Variants in VWCE observed in about 807,000 individuals in gnomAD.
The protein encoded by VWCE is von Willebrand factor C and EGF domain-containing protein.
In VWCE, 68 loss-of-function variants were observed where a neutral mutation model predicts 102.9. The observed-to-expected ratio is 0.66, with a 90% CI of 0.54 to 0.81. The LOEUF (loss-of-function observed/expected upper bound fraction) is 0.81, where lower values mean the gene tolerates loss of function less well. Among genes scored for constraint, VWCE ranks in the 30% least tolerant of loss-of-function variants. The probability of loss-of-function intolerance (pLI) is 0.00; values close to 1 mark genes in which losing one functional copy is unlikely to be tolerated. For missense variants in VWCE, 1,137 were observed against 1,263.6 expected (o/e 0.90, Z 1.52); for synonymous variants, 497 against 515.4 (o/e 0.96, Z 0.48).
chr11:61,262,100 T>C (rs1237865179), intron 19 of VWCE, among the ~76,000 whole-genome samples: 2 of 152,106 alleles, frequency 1.3e-5, no homozygotes, highest in Admixed American at 1.3e-4. Context: ...ATTACAGGTG[T>C]GCACCAACAT....
rs1415004872 is a variant in VWCE at position 61,281,843 on chromosome 11, A to G, written c.730T>C (p.Phe244Leu). ...HHSCHNTVGS[F>L]LCTCRPGFRL... The stretch of plus-strand genomic sequence containing the variant: ...AAGCCAGGTCGGCATGTGCATAGGA[A>G]GCTGCCCACGGTGTTGTGGCAGGAA... Residue 244 changes from phenylalanine (F) to leucine (L), a missense_variant, in exon 7 of 20, where the codon TTC becomes CTC. Around this residue, in one of 5 missense-constraint regions of VWCE, gnomAD observed 575 missense variants for 625.9 expected, o/e 0.92. Coordinates refer to ENST00000335613, the MANE Select transcript of VWCE (RefSeq NM_152718.2). 6.2e-7 allele frequency: 1 copy of G among 1,613,838 alleles called. No individual in the cohort carries two copies. Among genetic ancestry groups the G allele is most frequent in the Non-Finnish European group, 8.5e-7 (1 of 1,179,906 alleles).
At chr11:61,287,199 A>C (rs941347099) in intron 4 of VWCE, among the ~76,000 whole-genome samples, 6 of 152,314 alleles carry the variant, frequency 3.9e-5, no homozygotes, top group African/African-American at 1.4e-4. Context: ...CCCTGAGCCC[A>C]CACCAAGCCT....
chr11:61,272,718 A>G (rs2512815), intron 13 of VWCE, among the ~76,000 whole-genome samples: 152,080 of 152,092 alleles, frequency 1, 76,034 homozygotes, highest in Middle Eastern at 1. Context: ...ATGCTCACAC[A>G]GACGCACACT....
At position 61,271,732 on chromosome 11, in the gene VWCE, C is replaced by T. The variant is rs1408435319; in HGVS notation, c.1728G>A (p.Glu576=). The change falls in exon 14 of 20, where the codon GAG becomes GAA. Residue 576 remains glutamate (E), a synonymous_variant. Coordinates refer to ENST00000335613, the MANE Select transcript of VWCE (RefSeq NM_152718.2). The stretch of plus-strand genomic sequence containing the variant: ...GCGACCAGATCTGTCCAATCGGAAA[C>T]TCAACCCCGTTGTCGTCAAGAGAGC... ...TGCSLDDNGV[E]FPIGQIWSPG... 2 of 1,613,658 alleles carry T rather than the reference C, an allele frequency of 1.2e-6. No homozygotes were observed. The highest frequency in any genetic ancestry group is 2.2e-5 in the South Asian group (2 of 90,956).
rs751555303 is a variant in VWCE, at chr11:61,259,198, G to C, written c.2345C>G (p.Ser782Cys). The C allele has an allele frequency of 6.2e-7, 1 of 1,614,076 alleles. No homozygotes were observed. The highest frequency in any genetic ancestry group is 1.7e-5 in the Admixed American group (1 of 60,010). Residue 782 changes from serine to cysteine, a missense_variant, in exon 20 of 20, where the codon TCC becomes TGC. Physicochemically the swap from Ser to Cys is moderately radical, Grantham distance 112. Around this residue, in one of 5 missense-constraint regions of VWCE, gnomAD observed 316 missense variants for 319.3 expected, o/e 0.99. Transcript: ENST00000335613. ...TGATGCTGTCGGGGGCCCAGGACAG[G>C]AGCTACAGTTGACAGGGGCCTCAGT... The part of the protein sequence containing the change: ...GDTEAPVNCS[S>C]CPGPPTASPS...
chr11:61,274,554 G>T lies in VWCE; in HGVS notation c.1526C>A (p.Ala509Glu), dbSNP rs368282929. 2 of 1,613,926 alleles carry T rather than the reference G, an allele frequency of 1.2e-6. No homozygotes were observed. The highest frequency in any genetic ancestry group is 8.5e-7 in the Non-Finnish European group (1 of 1,179,972). Reference sequence around the variant, plus strand: ...ACCCCCACTGAACACAGCCCCGTCTGCGTACCACCGGCCGTGGAAATAGCA... The same window carrying T: ...ACCCCCACTGAACACAGCCCCGTCTTCGTACCACCGGCCGTGGAAATAGCA... ...VRCYFHGRWY[A>E]DGAVFSGGGD... The change falls in exon 12 of 20, where the codon GCA becomes GAA. Residue 509 changes from alanine (A) to glutamate (E), a missense_variant. Transcript: ENST00000335613.
intron 7 of VWCE, 47 bp from the exon 8 acceptor site, chr11:61,281,282 G>T (rs763888834): frequency 1.2e-6 from 2 of 1,607,842 alleles, no homozygotes; most frequent in African/African-American, 2.7e-5. Flanking sequence ...GCAGAGACAG[G>T]AGGCAGGGTT....
rs994254631 is a variant in VWCE at position 61,271,299 on chromosome 11, C to T, written c.1785+376G>A. On this transcript the variant is annotated intron_variant, in intron 14 of 19. Coordinates refer to ENST00000335613, the MANE Select transcript of VWCE (RefSeq NM_152718.2). ...TAGCTGGGACCACAGGCACCTACCACCACGCTCGGCTAATATTTTGTATTT... is the reference window on the plus strand; with the variant it reads ...TAGCTGGGACCACAGGCACCTACCATCACGCTCGGCTAATATTTTGTATTT... 5 of 210,612 alleles carry T rather than the reference C, an allele frequency of 2.4e-5. No individual in the cohort carries two copies. The East Asian group carries it at 4.4e-4, about 19-fold the overall frequency. The allele number at this position is 210,612 out of a possible 1,614,324, so 13.0% of individuals were successfully genotyped here.
rs1218592488 is a variant in VWCE, at chr11:61,294,777, C to A, written c.110+151G>T. 6.5e-6 allele frequency: 3 copies of A among 462,560 alleles called. No individual in the cohort carries two copies. Among genetic ancestry groups the A allele is most frequent in the Non-Finnish European group, 1.1e-5 (3 of 274,166 alleles). The allele number at this position is 462,560 out of a possible 1,614,324, so 28.7% of individuals were successfully genotyped here. ...GGCACAAGTTGCTGACTCTTTGTGC[C>A]GTCCCCGAGCTGTGCCCGCGCTGAT... On this transcript the variant is annotated intron_variant, in intron 1 of 19. Coordinates refer to ENST00000335613, the MANE Select transcript of VWCE (RefSeq NM_152718.2). This position sits in a 1 kb window ranked among gnomAD's most constrained non-coding sequence, Gnocchi z 6.3.
chr11:61,280,909 TG>T lies in VWCE; in HGVS notation c.1113del (p.Arg372GlyfsTer43). 1 of 1,528,630 alleles carries T rather than the reference TG, an allele frequency of 6.5e-7. No individual in the cohort carries two copies. The highest frequency in any genetic ancestry group is 1.3e-5 in the South Asian group (1 of 76,492). The allele number at this position is 1,528,630 out of a possible 1,614,324, so 94.7% of individuals were successfully genotyped here. ...GCCAGTCGGGGGGACTCAGGGCCCCTGGGTGAGGAAGGGGTCCCCATCACCT... is the reference window on the plus strand; with the variant it reads ...GCCAGTCGGGGGGACTCAGGGCCCCTGGTGAGGAAGGGGTCCCCATCACCT... ...QGEVMGTPSS[P>X]RGPESPRLAA... On this transcript the variant is annotated frameshift_variant, in exon 8 of 20. Coordinates refer to ENST00000335613, the MANE Select transcript of VWCE (RefSeq NM_152718.2). LOFTEE classifies it high-confidence loss of function.
chr11:61,283,533 T>A (rs1004997214), intron 5 of VWCE, among the ~76,000 whole-genome samples: 2 of 152,204 alleles, frequency 1.3e-5, no homozygotes, highest in Non-Finnish European at 2.9e-5. Flanking sequence ...TGCCTCAGCC[T>A]CCCAAGTAGT....
intron 12 of VWCE, among the ~76,000 whole-genome samples, 175 bp downstream of exon 12, chr11:61,274,324 G>A (rs1034984415): frequency 6.6e-6 from 1 of 152,170 alleles, no homozygotes; most frequent in African/African-American, 2.4e-5. Flanking sequence ...GAAAGATGAA[G>A]TTCAAAGAGA....
chr11:61,292,654 C>A (rs1049727114), intron 1 of VWCE, among the ~76,000 whole-genome samples: 2 of 152,140 alleles, frequency 1.3e-5, no homozygotes, highest in Admixed American at 1.3e-4. Flanking sequence ...CCAGATGCAT[C>A]CAACTGGTGC....
At chr11:61,269,438 T>G in intron 14 of VWCE, 1 of 161,082 alleles carries the variant, frequency 6.2e-6, no homozygotes. Flanking sequence ...CCATACAAGG[T>G]TTCTTTCTTT....
chr11:61,281,706 C>A, intron 7 of VWCE, 80 bp downstream of exon 7: 1 of 1,482,014 alleles, frequency 6.7e-7, no homozygotes. Context: ...CGGGGAGGGG[C>A]CAGGCTATGG....
chr11:61,281,189 C>T lies in VWCE; in HGVS notation c.834G>A (p.Arg278=), dbSNP rs1388376220. The T allele has an allele frequency of 6.2e-7, 1 of 1,613,206 alleles. No homozygotes were observed. Among genetic ancestry groups the T allele is most frequent in the Non-Finnish European group, 8.5e-7 (1 of 1,179,984 alleles). ...VLAPSAILQP[R]QHPSKMLLLL... ...ACAGAAGCATCTTGGACGGGTGTTG[C>T]CGGGGTTGCAGGATGGCAGATGGGG... The change falls in exon 8 of 20, where the codon CGG becomes CGA. Residue 278 remains arginine, a synonymous_variant. Transcript: ENST00000335613.
intron 4 of VWCE, among the ~76,000 whole-genome samples, chr11:61,289,127 C>T (rs1447316995): frequency 6.6e-6 from 1 of 151,980 alleles, no homozygotes; most frequent in Non-Finnish European, 1.5e-5. Context: ...GGTGAGCCAC[C>T]GTGCCCGGCC....
intron 16 of VWCE, among the ~76,000 whole-genome samples, chr11:61,266,545 C>T (rs1477851621): frequency 6.6e-6 from 1 of 150,918 alleles, no homozygotes; most frequent in East Asian, 1.9e-4. Flanking sequence ...AACACCCTGT[C>T]TCAAAAAAAA....
chr11:61,285,955 T>C (rs1855306352), intron 5 of VWCE, among the ~76,000 whole-genome samples: 1 of 152,170 alleles, frequency 6.6e-6, no homozygotes, highest in African/African-American at 2.4e-5. Context: ...GGTTTCACCA[T>C]GTTGGCCAGG....
Sources: gnomAD v4.1 joint callset for allele counts (sites outside exome capture counted in the v4.1 genomes callset) on GRCh38, gnomAD v4.1.1 for gene constraint, gnomAD v4.1.1 regional missense constraint, Gnocchi (gnomAD v3.1) non-coding constraint, MANE v1.5 for transcripts, NCBI Gene and HGNC (gene_info 2026-07-23, HGNC 2026-07-21) for gene names.